Variants in CACNB2 observed in about 807,000 individuals in gnomAD.
CACNB2 encodes the protein voltage-dependent L-type calcium channel subunit beta-2.
A neutral mutation model predicts 73.3 loss-of-function variants in CACNB2; 42 were observed. The observed-to-expected ratio is 0.57, with a 90% CI of 0.45 to 0.74. The LOEUF is 0.74. Among genes scored for constraint, CACNB2 ranks in the 30% least tolerant of loss-of-function variants. CACNB2 has a pLI of 0.00. For synonymous variants in CACNB2, 348 were observed against 310.3 expected (o/e 1.12, Z -1.28); for missense variants, 940 against 853.0 (o/e 1.10, Z -1.27).
intron 9 of CACNB2, among the ~76,000 whole-genome samples, chr10:18,524,347 A>C (rs1038145910): frequency 6.6e-6 from 1 of 152,120 alleles, no homozygotes; most frequent in African/African-American, 2.4e-5. Flanking sequence ...TCTGTAGGAC[A>C]GTCTTACTAG....
At chr10:18,534,256 T>C (rs1350129493) in intron 11 of CACNB2, 29 bp downstream of exon 11, 3 of 1,578,406 alleles carry the variant, frequency 1.9e-6, no homozygotes, top group Admixed American at 1.7e-5. Context: ...GTTTGCTCTA[T>C]AATCAAACTT....
intron 2 of CACNB2, among the ~76,000 whole-genome samples, chr10:18,398,052 C>T (rs1037822618): frequency 6.6e-6 from 1 of 152,140 alleles, no homozygotes; most frequent in African/African-American, 2.4e-5. Flanking sequence ...TTGTAATGAA[C>T]CTATTCCGGA....
chr10:18,150,877 T>TTTTA lies in CACNB2; in HGVS notation c.121-5_121-2dup. On this transcript the variant is annotated splice_polypyrimidine_tract_variant and splice_region_variant and intron_variant, in intron 1 of 13. Coordinates refer to ENST00000324631, the MANE Select transcript of CACNB2 (RefSeq NM_201596.3). ...TGTCTTTTTTTTTTTTTTTTTTTTT[T>TTTTA]TTTAGTCATATGGAAAAGGAGCCAG... 3 of 1,342,614 alleles carry TTTTA rather than the reference T, an allele frequency of 2.2e-6. No individual in the cohort carries two copies. Among genetic ancestry groups the TTTTA allele is most frequent in the Admixed American group, 2.1e-5 (1 of 47,772 alleles). The allele number at this position is 1,342,614 out of a possible 1,614,324, so 83.2% of individuals were successfully genotyped here. A position where few individuals can be genotyped will look rare whatever the true frequency, so the allele number is the denominator to read the frequency against.
chr10:18,481,759 A>G (rs1228165734), intron 3 of CACNB2, among the ~76,000 whole-genome samples: 2 of 152,136 alleles, frequency 1.3e-5, no homozygotes, highest in African/African-American at 4.8e-5. Context: ...GTGCCTCAGT[A>G]TCTGCTGTCT....
At chr10:18,243,096 T>A (rs1250309462) in intron 2 of CACNB2, among the ~76,000 whole-genome samples, 1 of 151,916 alleles carries the variant, frequency 6.6e-6, no homozygotes, top group Non-Finnish European at 1.5e-5. Context: ...ACTTTCTAAG[T>A]TGTCAATATT....
chr10:18,194,780 A>T (rs2034554752), intron 2 of CACNB2, among the ~76,000 whole-genome samples: 1 of 152,172 alleles, frequency 6.6e-6, no homozygotes, highest in Admixed American at 6.5e-5. Context: ...TTCTGTGCTG[A>T]AGTCTGTGTT....
chr10:18,409,967 A>G (rs965696592), intron 3 of CACNB2, among the ~76,000 whole-genome samples: 1 of 152,182 alleles, frequency 6.6e-6, no homozygotes, highest in African/African-American at 2.4e-5. Flanking sequence ...TCCAGAGAAT[A>G]AACCTTTGGT....
chr10:18,334,874 C>T (rs1383880086), intron 2 of CACNB2, among the ~76,000 whole-genome samples: 3 of 152,134 alleles, frequency 2.0e-5, no homozygotes, highest in African/African-American at 7.2e-5. Context: ...CTTTTGAAGT[C>T]TTATCCTCTT....
At chr10:18,298,609 C>G (rs2039374910) in intron 2 of CACNB2, among the ~76,000 whole-genome samples, 2 of 152,178 alleles carry the variant, frequency 1.3e-5, no homozygotes, top group South Asian at 4.1e-4. Flanking sequence ...AGATCTGGGT[C>G]TATATCCGGT....
chr10:18,264,307 C>T (rs561745015), intron 2 of CACNB2, among the ~76,000 whole-genome samples: 17 of 152,174 alleles, frequency 1.1e-4, no homozygotes, highest in Admixed American at 5.9e-4. Context: ...AAGCATTTAT[C>T]CTTTGTGTCA....
intron 2 of CACNB2, among the ~76,000 whole-genome samples, chr10:18,160,503 A>T (rs2032380699): frequency 6.6e-6 from 1 of 152,106 alleles, no homozygotes; most frequent in Admixed American, 6.6e-5. Context: ...ACGCAAACTG[A>T]ATTAACCTTA....
At chr10:18,327,438 G>A (rs750496406) in intron 2 of CACNB2, among the ~76,000 whole-genome samples, 3 of 151,928 alleles carry the variant, frequency 2.0e-5, no homozygotes, top group Non-Finnish European at 4.4e-5. Flanking sequence ...GTTTTTATTT[G>A]TTTTGAGACG....
At chr10:18,493,910 G>C (rs1321022796) in intron 3 of CACNB2, among the ~76,000 whole-genome samples, 2 of 152,096 alleles carry the variant, frequency 1.3e-5, no homozygotes, top group Non-Finnish European at 2.9e-5. Context: ...CGCATCCCTT[G>C]ACTGTACTCT....
At chr10:18,233,086 A>G (rs1204172734) in intron 2 of CACNB2, among the ~76,000 whole-genome samples, 2 of 152,344 alleles carry the variant, frequency 1.3e-5, no homozygotes, top group Non-Finnish European at 2.9e-5. Flanking sequence ...CCCTGTCTCA[A>G]ATAAATAAAT....
chr10:18,279,929 A>G (rs1244888457), intron 2 of CACNB2, among the ~76,000 whole-genome samples: 2 of 152,140 alleles, frequency 1.3e-5, no homozygotes, highest in African/African-American at 4.8e-5. Flanking sequence ...AAAATACAAA[A>G]TTAGATGAGC....
At chr10:18,273,433 A>ATT (rs953901885) in intron 2 of CACNB2, among the ~76,000 whole-genome samples, 3 of 149,498 alleles carry the variant, frequency 2.0e-5, no homozygotes, top group Non-Finnish European at 4.5e-5. Context: ...TAAAAACCGC[A>ATT]TTTTTTTTTT....
At chr10:18,228,439 AAAAAAAAAAAG>A (rs905268323) in intron 2 of CACNB2, among the ~76,000 whole-genome samples, 2 of 148,950 alleles carry the variant, frequency 1.3e-5, no homozygotes, top group Non-Finnish European at 3.0e-5. Flanking sequence ...ACCTCAAAAA[AAAAAAAAAAAG>A]AAAAAAAAAA....
chr10:18,276,317 G>A (rs539750371), intron 2 of CACNB2, among the ~76,000 whole-genome samples: 22 of 152,294 alleles, frequency 1.4e-4, no homozygotes, highest in African/African-American at 4.8e-4. Flanking sequence ...TCTACTACAT[G>A]AAGCTGCCCA....
At chr10:18,477,377 T>C (rs1262323625) in intron 3 of CACNB2, among the ~76,000 whole-genome samples, 1 of 152,200 alleles carries the variant, frequency 6.6e-6, no homozygotes, top group Non-Finnish European at 1.5e-5. Flanking sequence ...GCCTAAACTC[T>C]TGGGAATGCA....
Sources: gnomAD v4.1 joint callset for allele counts (sites outside exome capture counted in the v4.1 genomes callset) on GRCh38, gnomAD v4.1.1 for gene constraint, MANE v1.5 for transcripts, NCBI Gene and HGNC (gene_info 2026-07-23, HGNC 2026-07-21) for gene names.